DYSF: variants seen among roughly 807,000 people sequenced by gnomAD.
DYSF encodes dysferlin, also known as dystrophy-associated fer-1-like 1.
Under a neutral mutation model 274.9 loss-of-function variants are expected in DYSF, and 212 were observed. The observed-to-expected ratio is 0.77, with a 90% CI of 0.69 to 0.86. The LOEUF (loss-of-function observed/expected upper bound fraction) is 0.86. Among genes scored for constraint, DYSF ranks in the 40% least tolerant of loss-of-function variants. DYSF has a pLI of 0.00. For missense variants in DYSF, 2,666 were observed against 2,783.2 expected (o/e 0.96, Z 0.95); for synonymous variants, 1,091 against 1,078.7 (o/e 1.01, Z -0.22).
intron 1 of DYSF, among the ~76,000 whole-genome samples, chr2:71,461,521 A>G (rs1192264532): frequency 2.0e-5 from 3 of 152,208 alleles, no homozygotes; most frequent in Admixed American, 6.5e-5. Flanking sequence ...GGCCCGAGGA[A>G]ATGAATCTGG....
At chr2:71,656,513 T>A (rs1208370806) in intron 43 of DYSF, among the ~76,000 whole-genome samples, 3 of 152,074 alleles carry the variant, frequency 2.0e-5, no homozygotes, top group African/African-American at 7.2e-5. Context: ...CTGGTAGAGA[T>A]GAGAGTGGTG....
chr2:71,555,428 G>A (rs984629400), intron 21 of DYSF, among the ~76,000 whole-genome samples: 2 of 152,184 alleles, frequency 1.3e-5, no homozygotes, highest in Non-Finnish European at 2.9e-5. Context: ...CTGGAGAAGA[G>A]CTCGGTAAGG....
intron 21 of DYSF, 42 bp from the exon 22 acceptor site, chr2:71,555,923 C>T (rs2091303127): frequency 6.7e-7 from 1 of 1,488,264 alleles, no homozygotes; most frequent in African/African-American, 1.4e-5. Context: ...GCACCCTCTG[C>T]CCTGTGGTGA....
intron 30 of DYSF, among the ~76,000 whole-genome samples, chr2:71,582,779 G>C (rs1412549591): frequency 6.6e-6 from 1 of 152,170 alleles, no homozygotes; most frequent in East Asian, 1.9e-4. Flanking sequence ...TGAACACAGA[G>C]CTGGGAAGAG....
At chr2:71,657,295 C>T (rs2094793279) in intron 43 of DYSF, among the ~76,000 whole-genome samples, 1 of 152,238 alleles carries the variant, frequency 6.6e-6, no homozygotes, top group Admixed American at 6.5e-5. Context: ...GGTAGGTTCC[C>T]ATGGTCTTGG....
At chr2:71,467,297 A>G (rs2081602793) in intron 1 of DYSF, among the ~76,000 whole-genome samples, 1 of 152,134 alleles carries the variant, frequency 6.6e-6, no homozygotes, top group Non-Finnish European at 1.5e-5. Context: ...GCCTCTGAAA[A>G]ACGGGGCGTG....
chr2:71,546,269 GTAGC>G (rs2090465318), intron 17 of DYSF, among the ~76,000 whole-genome samples: 1 of 152,240 alleles, frequency 6.6e-6, no homozygotes, highest in Admixed American at 6.5e-5. Flanking sequence ...TTGTGGGCTT[GTAGC>G]CCATTGGGGT....
rs905322985 is a variant in DYSF, at chr2:71,517,043, A to C, written c.1002+4A>C. On this transcript the variant is annotated splice_donor_region_variant and intron_variant, in intron 10 of 55. Transcript: ENST00000410020. ...TGCTCTCCTCGGGGAGTTCCGGGTA[A>C]TTGCTTATTTTCTATGAAAGCAGTC... is the stretch of plus-strand genomic sequence containing the variant. The C allele has an allele frequency of 6.2e-7, 1 of 1,613,858 alleles. No individual in the cohort carries two copies. Among genetic ancestry groups the C allele is most frequent in the African/African-American group, 1.3e-5 (1 of 74,882 alleles).
intron 33 of DYSF, among the ~76,000 whole-genome samples, chr2:71,599,044 T>G (rs968147419): frequency 6.6e-6 from 1 of 152,214 alleles, no homozygotes; most frequent in Non-Finnish European, 1.5e-5. Context: ...GCCAGTCCCT[T>G]CTTCTCATCG....
chr2:71,612,515 C>T, intron 38 of DYSF, 126 bp from the exon 39 acceptor site: 1 of 1,450,216 alleles, frequency 6.9e-7, no homozygotes, highest in South Asian at 1.3e-5. Flanking sequence ...TCTGGGCCAG[C>T]CACCATTTTG....
intron 1 of DYSF, among the ~76,000 whole-genome samples, chr2:71,467,502 A>G (rs1558927977): frequency 2.0e-5 from 3 of 152,162 alleles, no homozygotes; most frequent in Non-Finnish European, 4.4e-5. Flanking sequence ...TCAAGAAGCT[A>G]AGTCCCTACA....
rs753614306 is a variant in DYSF at position 71,611,458 on chromosome 2, T to A, written c.4060-7T>A. ...TCTGAGCCACTCTCCTCATTCTGTG[T>A]GCTTAGATCCTGGCATGGGGCCTGC... On this transcript the variant is annotated splice_polypyrimidine_tract_variant and splice_region_variant and intron_variant, in intron 37 of 55. Coordinates refer to ENST00000410020, the MANE Select transcript of DYSF (RefSeq NM_001130987.2). 19 of 1,614,014 alleles carry A rather than the reference T, an allele frequency of 1.2e-5. No homozygotes were observed. The highest frequency in any genetic ancestry group is 8.3e-5 in the Admixed American group (5 of 60,000).
At chr2:71,588,976 T>C (rs1558549950) in intron 30 of DYSF, among the ~76,000 whole-genome samples, 1 of 152,122 alleles carries the variant, frequency 6.6e-6, no homozygotes, top group Non-Finnish European at 1.5e-5. Context: ...CCAGTGCTAA[T>C]GAGGGCGAGG....
chr2:71,525,532 G>C (rs1200858323), intron 12 of DYSF, among the ~76,000 whole-genome samples: 3 of 152,134 alleles, frequency 2.0e-5, no homozygotes, highest in Non-Finnish European at 4.4e-5. Flanking sequence ...GCTTCCCCAG[G>C]TGTTTCTAAT....
In DYSF at chr2:71,539,293, C is replaced by G. The variant is rs1034506130; in HGVS notation, c.1576+54C>G. ...ACCCCCTGTGCTCTCCCCCGTACCC[C>G]CTCTATCCAGCTTACACTTCTAGTT... is the stretch of plus-strand genomic sequence containing the variant. On this transcript the variant is annotated intron_variant, in intron 17 of 55. Coordinates refer to ENST00000410020, the MANE Select transcript of DYSF (RefSeq NM_001130987.2). 3 of 1,483,308 alleles carry G rather than the reference C, an allele frequency of 2.0e-6. No homozygotes were observed. In the East Asian group the frequency reaches 6.8e-5, roughly 34 times the overall value. 91.9% of individuals were successfully genotyped at this position (1,483,308 alleles called of 1,614,324 possible). A position where few individuals can be genotyped will look rare whatever the true frequency, so the allele number is the denominator to read the frequency against.
intron 55 of DYSF, among the ~76,000 whole-genome samples, chr2:71,685,764 T>C (rs1221603243): frequency 2.0e-5 from 3 of 152,036 alleles, no homozygotes; most frequent in Non-Finnish European, 4.4e-5. Context: ...GTTTCCAGAG[T>C]TGGCTTTCCC....
At chr2:71,619,951 A>G (rs2094055440) in intron 40 of DYSF, among the ~76,000 whole-genome samples, 1 of 152,226 alleles carries the variant, frequency 6.6e-6, no homozygotes, top group Admixed American at 6.5e-5. Context: ...GATGCTCAGA[A>G]AAGGATGCAG....
At chr2:71,662,529 C>G (rs1021160973) in intron 45 of DYSF, among the ~76,000 whole-genome samples, 1 of 147,106 alleles carries the variant, frequency 6.8e-6, no homozygotes, top group African/African-American at 2.5e-5. Context: ...TGTCTGTGTT[C>G]GTGTGTCTGT....
intron 30 of DYSF, among the ~76,000 whole-genome samples, chr2:71,585,089 G>A (rs978779391): frequency 1.3e-5 from 2 of 152,224 alleles, no homozygotes; most frequent in Non-Finnish European, 2.9e-5. Flanking sequence ...GGCCACAGGG[G>A]ACATTGGGCA....
Sources: gnomAD v4.1 joint callset for allele counts (sites outside exome capture counted in the v4.1 genomes callset) on GRCh38, gnomAD v4.1.1 for gene constraint, MANE v1.5 for transcripts, NCBI Gene and HGNC (gene_info 2026-07-23, HGNC 2026-07-21) for gene names.